The following BIRC6 variants were observed in gnomAD, a reference collection of about 807,000 sequenced individuals.
BIRC6 encodes the protein dual E2 ubiquitin-conjugating enzyme/E3 ubiquitin-protein ligase BIRC6.
BIRC6 carries 98 observed loss-of-function variants against 503.3 expected under a neutral mutation model. The ratio of observed to expected loss-of-function variants is 0.19; its 90% confidence interval spans 0.17 to 0.23. BIRC6 has a LOEUF of 0.23. Ranked by LOEUF, BIRC6 falls within the 10% of genes least tolerant of loss-of-function variation. The pLI, the probability that BIRC6 is intolerant of heterozygous loss-of-function variation, is 1.00. For synonymous variants in BIRC6, 2,240 were observed against 2,078.7 expected, an observed-to-expected ratio of 1.08 and a Z score of -2.11; for missense variants, 5,360 against 5,806.0, an observed-to-expected ratio of 0.92 and a Z score of 2.50.
intron 65 of BIRC6, among the ~76,000 whole-genome samples, chr2:32,554,475 CATT>C (rs1302494672): frequency 6.6e-6 from 1 of 152,028 alleles, no homozygotes; most frequent in Non-Finnish European, 1.5e-5. Flanking sequence ...TGGATTTTGT[CATT>C]ATGAAAAATA....
intron 40 of BIRC6, among the ~76,000 whole-genome samples, chr2:32,486,668 A>T (rs1477235662): frequency 6.6e-6 from 1 of 152,222 alleles, no homozygotes; most frequent in African/African-American, 2.4e-5. Flanking sequence ...TGGAGAGTTC[A>T]CAACCCATTT....
intron 15 of BIRC6, among the ~76,000 whole-genome samples, chr2:32,438,070 G>T (rs567067978): frequency 1.3e-5 from 2 of 152,324 alleles, no homozygotes; most frequent in South Asian, 4.1e-4. Flanking sequence ...AGGATTACAG[G>T]TGTGAGCCAC....
At chr2:32,432,600 T>TA (rs1037428974) in intron 12 of BIRC6, among the ~76,000 whole-genome samples, 1 of 151,036 alleles carries the variant, frequency 6.6e-6, no homozygotes, top group Non-Finnish European at 1.5e-5. Context: ...CTATAAATAA[T>TA]AAAAAAAAAT....
At chr2:32,402,521 G>A (rs910526606) in intron 8 of BIRC6, among the ~76,000 whole-genome samples, 2 of 152,146 alleles carry the variant, frequency 1.3e-5, no homozygotes, top group African/African-American at 4.8e-5. Context: ...ATAATGTAAA[G>A]TTTTATTAAT....
Position 32,549,429 on chromosome 2 carries a change from C to T in BIRC6, c.13092C>T (p.Leu4364=), listed in dbSNP as rs757070235. 1 of 1,505,664 alleles carries T rather than the reference C, an allele frequency of 6.6e-7. No individual in the cohort carries two copies. The highest frequency in any genetic ancestry group is 9.0e-7 in the Non-Finnish European group (1 of 1,106,280). The allele number at this position is 1,505,664 out of a possible 1,614,324, so 93.3% of individuals were successfully genotyped here. The change falls in exon 65 of 74, where the codon CTC becomes CTT. Residue 4364 remains leucine, a synonymous_variant. Transcript: ENST00000421745. ...NALPSVLLEL[L]SQSCLIPAMS... is the part of the protein sequence containing the mutation. ...TTCCTTCTGTACTTCTCGAGCTTCT[C>T]AGTCAGTCCTGCCTCATCCCAGCCA...
intron 47 of BIRC6, 109 bp from the exon 48 acceptor site, chr2:32,502,686 A>T: frequency 1.4e-6 from 1 of 730,376 alleles, no homozygotes; most frequent in Non-Finnish European, 2.1e-6. Context: ...TAGCGTATTT[A>T]AGGCTGTCAG....
intron 53 of BIRC6, among the ~76,000 whole-genome samples, chr2:32,511,661 T>G (rs932577850): frequency 2.6e-5 from 4 of 151,840 alleles, no homozygotes; most frequent in Admixed American, 2.6e-4. Context: ...ATATTTTTGT[T>G]GATAAATTTT....
intron 21 of BIRC6, among the ~76,000 whole-genome samples, chr2:32,446,240 C>T (rs922937180): frequency 6.6e-6 from 1 of 152,040 alleles, no homozygotes; most frequent in Non-Finnish European, 1.5e-5. Flanking sequence ...AGTGGTATGC[C>T]CTGCTAATGG....
rs772587124 is a variant in BIRC6, at chr2:32,499,549, G to C, written c.8471G>C (p.Gly2824Ala). ...KLIHILSTERGAFQTGQGPLD... is the reference protein window; with the variant it reads ...KLIHILSTERAAFQTGQGPLD... ...TCTCTCTCTCTCTCTCTCTGCAGGG[G>C]TGCTTTCCAGACAGGCCAAGGACCT... The change falls in exon 46 of 74, where the codon GGT becomes GCT. Residue 2824 changes from glycine (G) to alanine (A), a missense_variant and splice_region_variant. Around this residue, in one of 16 missense-constraint regions of BIRC6, gnomAD observed 2,299 missense variants for 2,267.2 expected, o/e 1.01. Coordinates refer to ENST00000421745, the MANE Select transcript of BIRC6 (RefSeq NM_016252.4). 1.9e-6 allele frequency: 3 copies of C among 1,597,698 alleles called. No homozygotes were observed. In the South Asian group the frequency reaches 3.4e-5, roughly 18 times the overall value.
At chr2:32,408,565 C>T (rs1390550803) in intron 9 of BIRC6, among the ~76,000 whole-genome samples, 1 of 151,952 alleles carries the variant, frequency 6.6e-6, no homozygotes, top group African/African-American at 2.4e-5. Context: ...TGTTATTTTC[C>T]CTGGGTCTAA....
Position 32,529,762 on chromosome 2 carries a change from G to C in BIRC6, c.12032G>C (p.Arg4011Thr). ...SIDLTVKLGSRVITDPSLSKT... is the reference protein window; with the variant it reads ...SIDLTVKLGSTVITDPSLSKT... ...GATCTGACTGTTAAATTGGGATCAAGAGTTATAACAGACCCCAGTCTATCA... is the reference window on the plus strand; with the variant it reads ...GATCTGACTGTTAAATTGGGATCAACAGTTATAACAGACCCCAGTCTATCA... Residue 4011 changes from arginine to threonine, a missense_variant, in exon 60 of 74, where the codon AGA (arginine) becomes ACA (threonine). Around this residue, in one of 16 missense-constraint regions of BIRC6, gnomAD observed 878 missense variants for 928.9 expected, o/e 0.95. Coordinates refer to ENST00000421745, the MANE Select transcript of BIRC6 (RefSeq NM_016252.4). 6.2e-7 allele frequency: 1 copy of C among 1,613,368 alleles called. No individual in the cohort carries two copies. The highest frequency in any genetic ancestry group is 8.5e-7 in the Non-Finnish European group (1 of 1,179,606).
chr2:32,539,884 T>A (rs1412897279), intron 61 of BIRC6, among the ~76,000 whole-genome samples: 2 of 152,014 alleles, frequency 1.3e-5, no homozygotes, highest in Non-Finnish European at 2.9e-5. Context: ...AGACTTCTAG[T>A]AAAATTGATA....
chr2:32,373,894 C>T (rs1036992229), intron 1 of BIRC6, among the ~76,000 whole-genome samples: 3 of 152,142 alleles, frequency 2.0e-5, no homozygotes, highest in Non-Finnish European at 4.4e-5. Context: ...CTGACATAGG[C>T]TCTAATGTGG....
At chr2:32,457,919 T>G (rs1163428214) in intron 23 of BIRC6, among the ~76,000 whole-genome samples, 1 of 152,154 alleles carries the variant, frequency 6.6e-6, no homozygotes, top group Non-Finnish European at 1.5e-5. Context: ...CCAAAATACT[T>G]CAAAACAGAT....
chr2:32,368,380 C>T (rs573056145), intron 1 of BIRC6, among the ~76,000 whole-genome samples: 5 of 151,724 alleles, frequency 3.3e-5, no homozygotes, highest in East Asian at 1.9e-4. Flanking sequence ...CTCTACTAAA[C>T]GTAGAAAAAA....
rs139377173 is a variant in BIRC6 at position 32,443,528 on chromosome 2, C to A, written c.4276C>A (p.Pro1426Thr). Residue 1426 changes from proline to threonine, a missense_variant, in exon 20 of 74, where the codon CCT becomes ACT. Transcript: ENST00000421745. ...TGACCCATGTCAACCAGCATTTGGA[C>A]CTGTTCTGTTGAAGGCTTTACTTGA... ...KCDPCQPAFGPVLLKALLDNM... is the reference protein window; with the variant it reads ...KCDPCQPAFGTVLLKALLDNM... The A allele has an allele frequency of 1.9e-6, 3 of 1,609,382 alleles. No individual in the cohort carries two copies. Among genetic ancestry groups the A allele is most frequent in the Admixed American group, 1.7e-5 (1 of 59,424 alleles).
At chr2:32,472,482 A>T (rs1360709694) in intron 32 of BIRC6, among the ~76,000 whole-genome samples, 1 of 152,238 alleles carries the variant, frequency 6.6e-6, no homozygotes, top group Admixed American at 6.6e-5. Flanking sequence ...CATTGGTGGA[A>T]GAGTTTTAGG....
At position 32,595,490 on chromosome 2, in the gene BIRC6, C is replaced by T. The variant is rs140599559; in HGVS notation, c.13612+346C>T. Reference sequence around the variant, plus strand: ...CCAGAACTTTGAACTAAGTCTGTTACTCTTGCCATTTTAGATTTCCTTGCA... The same window carrying T: ...CCAGAACTTTGAACTAAGTCTGTTATTCTTGCCATTTTAGATTTCCTTGCA... On this transcript the variant is annotated intron_variant, in intron 68 of 73. Transcript: ENST00000421745. Among the ~76,000 whole-genome samples the T allele has an allele frequency of 4.1e-4, 62 of 152,334 alleles. 1 individual carries two copies. In the East Asian group the frequency reaches 0.012, roughly 28 times the overall value.
Position 32,357,125 on chromosome 2 carries a change from T to C in BIRC6, c.-37T>C, listed in dbSNP as rs1402973368. The C allele has an allele frequency of 2.8e-6, 4 of 1,445,798 alleles. No homozygotes were observed. Among genetic ancestry groups the C allele is most frequent in the Non-Finnish European group, 2.7e-6 (3 of 1,111,894 alleles). 89.6% of individuals were successfully genotyped at this position (1,445,798 alleles called of 1,614,324 possible). On this transcript the variant is annotated 5_prime_UTR_variant, in exon 1 of 74. Coordinates refer to ENST00000421745, the MANE Select transcript of BIRC6 (RefSeq NM_016252.4). The surrounding 1 kb of genome is among the most constrained non-coding windows in gnomAD (Gnocchi z 4.9). ...CGTGCGTGCGGGCGCCTGACTTCACTTCCGGCTAACGCGCTCGGCTTGCCC... is the reference window on the plus strand; with the variant it reads ...CGTGCGTGCGGGCGCCTGACTTCACCTCCGGCTAACGCGCTCGGCTTGCCC...
Sources: allele counts gnomAD v4.1 joint callset (sites outside exome capture counted in the v4.1 genomes callset), GRCh38; gene constraint gnomAD v4.1.1; regional missense constraint gnomAD v4.1.1; non-coding constraint Gnocchi (gnomAD v3.1); transcripts MANE v1.5; gene names NCBI Gene and HGNC (gene_info 2026-07-23, HGNC 2026-07-21).